Variants in MOBP observed in about 807,000 individuals in gnomAD.
The protein encoded by MOBP is myelin-associated oligodendrocyte basic protein.
A neutral mutation model predicts 15.0 loss-of-function variants in MOBP; 5 were observed. The observed-to-expected ratio is 0.33, with a 90% CI of 0.17 to 0.70. The LOEUF is 0.70. Among genes scored for constraint, MOBP ranks in the 30% least tolerant of loss-of-function variants. The pLI is 0.67. For missense variants in MOBP, 188 were observed against 257.8 expected (o/e 0.73, Z 1.85); for synonymous variants, 88 against 99.0 (o/e 0.89, Z 0.66).
At chr3:39,501,960 T>C in intron 2 of MOBP, 106 bp from the exon 3 acceptor site, 1 of 925,850 alleles carries the variant, frequency 1.1e-6, no homozygotes, top group Non-Finnish European at 1.7e-6. Context: ...CCCCCCTGAA[T>C]GTTACCTTGG....
chr3:39,519,965 T>G (rs1340287608), downstream of MOBP, among the ~76,000 whole-genome samples: 4 of 152,214 alleles, frequency 2.6e-5, no homozygotes, highest in Middle Eastern at 0.014. Flanking sequence ...ATCTGTTTTT[T>G]TTTTTTTTTT....
chr3:39,503,152 A>G (rs2043000934), downstream of MOBP: 1 of 434,788 alleles, frequency 2.3e-6, no homozygotes. Context: ...ATTATTGACC[A>G]TGGTAACAGA....
At chr3:39,513,334 A>G in intron 4 of MOBP, 1 of 1,533,330 alleles carries the variant, frequency 6.5e-7, no homozygotes, top group Non-Finnish European at 9.0e-7. Flanking sequence ...GAGAGAGTAT[A>G]CATCACCTAC....
exon 5 of MOBP, chr3:39,515,463 G>C (rs2043189292): frequency 6.6e-6 from 1 of 152,212 alleles, no homozygotes; most frequent in South Asian, 2.1e-4. Flanking sequence ...TTTCTACTTA[G>C]GAGGCCAGTG....
At chr3:39,507,485 T>A (rs915159746), downstream of MOBP, among the ~76,000 whole-genome samples, 4 of 152,126 alleles carry the variant, frequency 2.6e-5, no homozygotes, top group Non-Finnish European at 4.4e-5. Flanking sequence ...TGGCCTTTGA[T>A]GGGAACAAGA....
chr3:39,517,397 G>A (rs2043216577), downstream of MOBP, among the ~76,000 whole-genome samples: 1 of 152,136 alleles, frequency 6.6e-6, no homozygotes, highest in African/African-American at 2.4e-5. Flanking sequence ...AACAGAGATT[G>A]GTTTAGAGTA....
At chr3:39,484,617 G>A (rs2042675095) in intron 2 of MOBP, among the ~76,000 whole-genome samples, 1 of 152,044 alleles carries the variant, frequency 6.6e-6, no homozygotes. Flanking sequence ...ACCATGTATT[G>A]TATAATTTTA....
chr3:39,469,772 A>G (rs1768191), intron 1 of MOBP, among the ~76,000 whole-genome samples: 45,320 of 152,130 alleles, frequency 0.3, 9,150 homozygotes, highest in African/African-American at 0.57. Flanking sequence ...TAAATTCAAG[A>G]TCTTGTTTAC....
At chr3:39,501,086 C>A (rs2042963713) in intron 2 of MOBP, among the ~76,000 whole-genome samples, 1 of 152,186 alleles carries the variant, frequency 6.6e-6, no homozygotes, top group Non-Finnish European at 1.5e-5. Flanking sequence ...AATATCCCCT[C>A]AAAGTTATTT....
chr3:39,484,183 T>C (rs896769568), intron 2 of MOBP, among the ~76,000 whole-genome samples: 3 of 152,182 alleles, frequency 2.0e-5, no homozygotes, highest in Non-Finnish European at 4.4e-5. Flanking sequence ...TCAGCTGGGT[T>C]GTTAAGGATG....
intron 2 of MOBP, among the ~76,000 whole-genome samples, chr3:39,485,708 G>C (rs2042695521): frequency 6.6e-6 from 1 of 152,190 alleles, no homozygotes; most frequent in Non-Finnish European, 1.5e-5. Context: ...TGCGAGTCCA[G>C]TCAATGGTGG....
At chr3:39,489,849 A>G (rs568232405) in intron 2 of MOBP, among the ~76,000 whole-genome samples, 5 of 152,184 alleles carry the variant, frequency 3.3e-5, no homozygotes, top group Non-Finnish European at 5.9e-5. Context: ...CATATAATTA[A>G]TGACCTAGCT....
downstream of MOBP, among the ~76,000 whole-genome samples, chr3:39,504,453 A>G (rs1332545713): frequency 6.6e-6 from 1 of 152,222 alleles, no homozygotes; most frequent in African/African-American, 2.4e-5. Context: ...GGATCAGTGT[A>G]TTCACCTAAA....
intron 2 of MOBP, among the ~76,000 whole-genome samples, chr3:39,492,541 G>A (rs945641176): frequency 6.6e-6 from 1 of 152,130 alleles, no homozygotes; most frequent in African/African-American, 2.4e-5. Context: ...GGTTGGGCTT[G>A]TAATATCACA....
downstream of MOBP, among the ~76,000 whole-genome samples, chr3:39,518,358 G>A (rs550953209): frequency 2.2e-4 from 34 of 152,178 alleles, no homozygotes; most frequent in Non-Finnish European, 4.4e-4. Flanking sequence ...CCTTTAGTTA[G>A]GAGGTTTAAA....
At chr3:39,474,260 T>C (rs1012707806) in intron 1 of MOBP, among the ~76,000 whole-genome samples, 1 of 152,178 alleles carries the variant, frequency 6.6e-6, no homozygotes, top group South Asian at 2.1e-4. Flanking sequence ...CAAATTCCAA[T>C]CACTGGCTCT....
At chr3:39,510,105 C>T (rs1174740144) in intron 4 of MOBP, among the ~76,000 whole-genome samples, 4 of 151,982 alleles carry the variant, frequency 2.6e-5, no homozygotes, top group African/African-American at 9.7e-5. Context: ...CACTGAATTA[C>T]CTTTGCAATT....
intron 2 of MOBP, among the ~76,000 whole-genome samples, chr3:39,482,516 G>C (rs946629848): frequency 6.6e-6 from 1 of 151,972 alleles, no homozygotes; most frequent in African/African-American, 2.4e-5. Context: ...GCCGGCCGTG[G>C]TGGCAGACAC....
At chr3:39,526,042 T>G (rs931387013), downstream of MOBP, 1 of 152,066 alleles carries the variant, frequency 6.6e-6, no homozygotes, top group African/African-American at 2.4e-5. Context: ...AGGTGCAGGG[T>G]GGTGGTGGTG....
Sources: gnomAD v4.1 joint callset for allele counts (sites outside exome capture counted in the v4.1 genomes callset) on GRCh38, gnomAD v4.1.1 for gene constraint, MANE v1.5 for transcripts, NCBI Gene and HGNC (gene_info 2026-07-23, HGNC 2026-07-21) for gene names.